The following LPP variants were observed in gnomAD, a reference collection of about 807,000 sequenced individuals.
LPP encodes the protein lipoma-preferred partner.
LPP carries 38 observed loss-of-function variants against 60.4 expected under a neutral mutation model. The ratio of observed to expected loss-of-function variants is 0.63; its 90% CI spans 0.49 to 0.83. The LOEUF (loss-of-function observed/expected upper bound fraction) is 0.83, where lower values mean the gene tolerates loss of function less well. Among genes scored for constraint, LPP ranks in the 40% least tolerant of loss-of-function variants. LPP has a pLI of 0.00. For missense variants in LPP, 902 were observed against 783.6 expected, an observed-to-expected ratio of 1.15 and a Z score of -1.80; for synonymous variants, 328 against 290.8, an observed-to-expected ratio of 1.13 and a Z score of -1.30.
At chr3:188,614,904 G>C (rs147475740) in intron 7 of LPP, among the ~76,000 whole-genome samples, 1 of 152,106 alleles carries the variant, frequency 6.6e-6, no homozygotes, top group Admixed American at 6.5e-5. Flanking sequence ...CAGGCCTGGT[G>C]CCTTAGAGCT....
At chr3:188,773,009 T>A (rs1474592754) in intron 9 of LPP, among the ~76,000 whole-genome samples, 1 of 152,018 alleles carries the variant, frequency 6.6e-6, no homozygotes, top group Non-Finnish European at 1.5e-5. Context: ...AAGGGAAAGA[T>A]GTGAGAGTGA....
chr3:188,375,554 TC>T (rs773186391), intron 3 of LPP, among the ~76,000 whole-genome samples: 8 of 152,204 alleles, frequency 5.3e-5, no homozygotes, highest in Non-Finnish European at 1.2e-4. Context: ...GGTGGTGATA[TC>T]CCCTTTATCA....
At chr3:188,448,274 C>A (rs1297077711) in intron 4 of LPP, among the ~76,000 whole-genome samples, 2 of 151,990 alleles carry the variant, frequency 1.3e-5, no homozygotes, top group Admixed American at 6.6e-5. Flanking sequence ...TTTTCCTTCA[C>A]CCCGTCTTTG....
chr3:188,698,728 T>C (rs1330820530), intron 7 of LPP, among the ~76,000 whole-genome samples: 1 of 152,226 alleles, frequency 6.6e-6, no homozygotes, highest in Non-Finnish European at 1.5e-5. Flanking sequence ...CTGCTCTAAA[T>C]AGCCAAGCAT....
At chr3:188,647,337 T>C (rs1560700123) in intron 7 of LPP, among the ~76,000 whole-genome samples, 1 of 152,078 alleles carries the variant, frequency 6.6e-6, no homozygotes, top group Non-Finnish European at 1.5e-5. Context: ...TGATGGAAAG[T>C]GCCCGCTTAA....
At chr3:188,846,675 T>A (rs1388163412) in intron 9 of LPP, among the ~76,000 whole-genome samples, 4 of 112,640 alleles carry the variant, frequency 3.6e-5, no homozygotes, top group Non-Finnish European at 5.2e-5. Context: ...CAGAGCAAGA[T>A]TCCATCTCAA....
chr3:188,456,697 C>A (rs1467297762), intron 4 of LPP, among the ~76,000 whole-genome samples: 1 of 152,194 alleles, frequency 6.6e-6, no homozygotes, highest in East Asian at 1.9e-4. Flanking sequence ...AGAGTGTGAG[C>A]ACCTCGAGCA....
intron 6 of LPP, among the ~76,000 whole-genome samples, chr3:188,600,592 AGCGTATAATTCACTG>A (rs1840948361): frequency 1.3e-5 from 2 of 152,112 alleles, no homozygotes; most frequent in African/African-American, 2.4e-5. Flanking sequence ...ACCAATTTTA[AGCGTATAATTCACTG>A]GCACTAAGTA....
intron 7 of LPP, among the ~76,000 whole-genome samples, chr3:188,659,183 G>C (rs1455799740): frequency 6.6e-6 from 1 of 152,144 alleles, no homozygotes; most frequent in Non-Finnish European, 1.5e-5. Context: ...GCATTAGATG[G>C]CTGTTTATGT....
chr3:188,159,200 C>A (rs976161220), intron 1 of LPP, among the ~76,000 whole-genome samples: 1 of 152,182 alleles, frequency 6.6e-6, no homozygotes, highest in Non-Finnish European at 1.5e-5. Context: ...GCTCCGGTAA[C>A]GGTGCTATAT....
rs115411043 is a variant in LPP, at chr3:188,194,730, A to T, written c.-189-30675A>T. ...ATTGAAATGTATATTACAAGCTCATATGACATACCTTTATAATAGAGAGGT... is the reference window on the plus strand; with the variant it reads ...ATTGAAATGTATATTACAAGCTCATTTGACATACCTTTATAATAGAGAGGT... On this transcript the variant is annotated intron_variant, in intron 1 of 11. Transcript: ENST00000617246. 9.0e-3 allele frequency among the ~76,000 whole-genome samples: 1,371 copies of T among 152,356 alleles called. 9 individuals carry two copies. Among genetic ancestry groups the T allele is most frequent in the South Asian group, 0.03 (145 of 4,830 alleles).
chr3:188,682,825 T>A (rs1859822254), intron 7 of LPP, among the ~76,000 whole-genome samples: 1 of 152,094 alleles, frequency 6.6e-6, no homozygotes, highest in Non-Finnish European at 1.5e-5. Context: ...ATTTGGCACA[T>A]ATGCATGAGA....
intron 1 of LPP, among the ~76,000 whole-genome samples, chr3:188,164,107 A>G (rs1004090589): frequency 6.6e-6 from 1 of 152,172 alleles, no homozygotes; most frequent in African/African-American, 2.4e-5. Context: ...GTGCCGTGGG[A>G]GAGGCGCATG....
intron 1 of LPP, among the ~76,000 whole-genome samples, chr3:188,201,970 G>A (rs562095752): frequency 6.6e-6 from 1 of 152,042 alleles, no homozygotes; most frequent in Admixed American, 6.6e-5. Flanking sequence ...GACAAGGTGA[G>A]CCAAGAGTTT....
intron 6 of LPP, among the ~76,000 whole-genome samples, chr3:188,567,167 G>C (rs549569399): frequency 6.6e-6 from 1 of 151,776 alleles, no homozygotes; most frequent in Admixed American, 6.6e-5. Flanking sequence ...GCATTTTATG[G>C]GCTTCTGAGA....
At chr3:188,542,279 T>G (rs1361332730) in intron 6 of LPP, among the ~76,000 whole-genome samples, 5 of 152,250 alleles carry the variant, frequency 3.3e-5, no homozygotes, top group African/African-American at 7.2e-5. Flanking sequence ...ATTAAAGTGC[T>G]TTGTGAACTA....
At chr3:188,724,720 C>T (rs2149935638) in intron 8 of LPP, among the ~76,000 whole-genome samples, 1 of 152,306 alleles carries the variant, frequency 6.6e-6, no homozygotes, top group South Asian at 2.1e-4. Flanking sequence ...TGTCCAGAAA[C>T]TCTCTTCTCC....
At chr3:188,612,139 C>T (rs901172040) in intron 7 of LPP, among the ~76,000 whole-genome samples, 1 of 152,114 alleles carries the variant, frequency 6.6e-6, no homozygotes, top group African/African-American at 2.4e-5. Flanking sequence ...TGTGTTTTCA[C>T]ATCATATTCG....
chr3:188,673,893 T>C (rs74991063), intron 7 of LPP, among the ~76,000 whole-genome samples: 1 of 132 alleles, frequency 7.6e-3, no homozygotes, highest in Non-Finnish European at 0.12. Flanking sequence ...TTCTTTTTTG[T>C]TTTTTTTTTT....
Sources: gnomAD v4.1 joint callset for allele counts (sites outside exome capture counted in the v4.1 genomes callset) on GRCh38, gnomAD v4.1.1 for gene constraint, MANE v1.5 for transcripts, NCBI Gene and HGNC (gene_info 2026-07-23, HGNC 2026-07-21) for gene names.